IL17REL: variants seen among roughly 807,000 people sequenced by gnomAD.
IL17REL encodes interleukin 17 receptor E like.
A neutral mutation model predicts 49.0 loss-of-function variants in IL17REL; 36 were observed. The ratio of observed to expected loss-of-function variants is 0.73; its 90% CI spans 0.56 to 0.97. IL17REL has a LOEUF of 0.97. Ranked by LOEUF, IL17REL falls within the 50% of genes least tolerant of loss-of-function variation. The pLI is 0.00. For synonymous variants in IL17REL, 206 were observed against 192.4 expected (o/e 1.07, Z -0.58); for missense variants, 470 against 453.9 (o/e 1.04, Z -0.32).
chr22:49,998,401 G>A, intron 7 of IL17REL, 92 bp from the exon 10 acceptor site: 2 of 1,250,284 alleles, frequency 1.6e-6, no homozygotes, highest in Non-Finnish European at 2.1e-6. Context: ...TGACCACTGG[G>A]CCAGGGTCCA....
chr22:49,991,899 G>A (rs890971765), downstream of IL17REL, among the ~76,000 whole-genome samples: 9 of 152,148 alleles, frequency 5.9e-5, no homozygotes, highest in Non-Finnish European at 1.3e-4. Context: ...GCCTGAGGTG[G>A]TCCGGGCACA....
chr22:49,995,409 T>C (rs1183490174), exon 13 of IL17REL: 1 of 152,284 alleles, frequency 6.6e-6, no homozygotes, highest in East Asian at 1.9e-4. Flanking sequence ...GAGGGCCCCA[T>C]GGAGCTGTAG....
At chr22:50,000,044 C>G in intron 4 of IL17REL, 77 bp from the exon 7 acceptor site, 1 of 1,372,024 alleles carries the variant, frequency 7.3e-7, no homozygotes, top group South Asian at 1.6e-5. Context: ...CCGAGAGCCC[C>G]GACGTGGTGG....
At chr22:50,000,300 C>T (rs551416745) in intron 4 of IL17REL, among the ~76,000 whole-genome samples, 60 bp from the exon 6 acceptor site, 2 of 152,366 alleles carry the variant, frequency 1.3e-5, no homozygotes, top group East Asian at 1.9e-4. Flanking sequence ...GGCCATCCTC[C>T]TCCACCCGCC....
chr22:49,999,939 C>T, exon 5 of IL17REL: 1 of 1,529,170 alleles, frequency 6.5e-7, no homozygotes, highest in Non-Finnish European at 8.8e-7. Flanking sequence ...CCTTGCGCCT[C>T]CGGTCCACCC....
At chr22:49,997,176 GCCTCCCATC>G in intron 11 of IL17REL, 102 bp from the exon 14 acceptor site, 1 of 1,402,716 alleles carries the variant, frequency 7.1e-7, no homozygotes, top group Non-Finnish European at 9.8e-7. Context: ...AGCAGGGCTG[GCCTCCCATC>G]CCTCCCTGCC....
intron 12 of IL17REL, 58 bp from the exon 15 acceptor site, chr22:49,996,918 A>T (rs2061038467): frequency 1.4e-6 from 1 of 706,160 alleles, no homozygotes; most frequent in South Asian, 2.0e-5. Context: ...GGGATGGGGG[A>T]TGGGAAGGGG....
intron 1 of IL17REL, among the ~76,000 whole-genome samples, chr22:50,004,490 C>T (rs899321783): frequency 1.3e-5 from 2 of 152,104 alleles, no homozygotes; most frequent in African/African-American, 4.8e-5. Flanking sequence ...TGTTTCCTTC[C>T]CTTGGAGCAT....
At chr22:49,997,913 G>A (rs1370274836) in intron 9 of IL17REL, 112 bp downstream of exon 11, 7 of 1,463,732 alleles carry the variant, frequency 4.8e-6, no homozygotes, top group Admixed American at 1.9e-5. Context: ...TCTGAGGGAC[G>A]CCTGGGAGGC....
downstream of IL17REL, among the ~76,000 whole-genome samples, chr22:49,992,848 C>T (rs940803434): frequency 4.6e-5 from 7 of 152,264 alleles, no homozygotes; most frequent in African/African-American, 1.7e-4. Context: ...AACTCCTGAC[C>T]TTAAGTAATC....
chr22:50,000,177 G>T lies in IL17REL; in HGVS notation c.335-210C>A, dbSNP rs2061069547. Among the ~76,000 whole-genome samples, 1 of 152,240 alleles carries T rather than the reference G, an allele frequency of 6.6e-6. No individual in the cohort carries two copies. Among genetic ancestry groups the T allele is most frequent in the Non-Finnish European group, 1.5e-5 (1 of 68,028 alleles). ...AGCGTCTGAGGGTCTTCGCAGGGGCGTCGAAGGAGGGAACTCACCGAGGCA... is the reference window on the plus strand; with the variant it reads ...AGCGTCTGAGGGTCTTCGCAGGGGCTTCGAAGGAGGGAACTCACCGAGGCA... On this transcript the variant is annotated intron_variant, in intron 4 of 12. Transcript: ENST00000341280.
upstream of IL17REL, among the ~76,000 whole-genome samples, chr22:50,009,324 T>G (rs1456599942): frequency 6.6e-6 from 1 of 151,960 alleles, no homozygotes; most frequent in South Asian, 2.1e-4. Context: ...CCAAGGGCAC[T>G]CAAAGAGGGG....
intron 1 of IL17REL, among the ~76,000 whole-genome samples, chr22:50,006,647 C>T (rs777540010): frequency 1.2e-4 from 19 of 152,136 alleles, no homozygotes; most frequent in Non-Finnish European, 2.4e-4. Flanking sequence ...TAAAATACAA[C>T]GGGTGATTTT....
At chr22:49,999,322 C>T in exon 7 of IL17REL, 2 of 1,612,868 alleles carry the variant, frequency 1.2e-6, no homozygotes, top group Non-Finnish European at 1.7e-6. Context: ...GGATCCGCAC[C>T]GCGTCAGGGG....
At chr22:50,003,054 C>G (rs750547308) in intron 1 of IL17REL, among the ~76,000 whole-genome samples, 4 of 152,178 alleles carry the variant, frequency 2.6e-5, no homozygotes, top group Non-Finnish European at 4.4e-5. Context: ...TTGGCACACT[C>G]CCTGAGAGGA....
At chr22:49,998,818 T>G (rs915356480) in intron 7 of IL17REL, among the ~76,000 whole-genome samples, 1 of 151,694 alleles carries the variant, frequency 6.6e-6, no homozygotes, top group African/African-American at 2.4e-5. Context: ...TGCCTGCGCG[T>G]GGGTGTGCGT....
chr22:49,997,795 C>T, intron 9 of IL17REL, 53 bp from the exon 12 acceptor site: 6 of 1,565,356 alleles, frequency 3.8e-6, no homozygotes, highest in Non-Finnish European at 5.3e-6. Flanking sequence ...GAGGCAGGGG[C>T]AGGGACAGGG....
upstream of IL17REL, among the ~76,000 whole-genome samples, chr22:50,010,258 G>A (rs1241680405): frequency 6.6e-6 from 1 of 152,240 alleles, no homozygotes; most frequent in Non-Finnish European, 1.5e-5. Flanking sequence ...GGGGAGCAGG[G>A]CCTCAAACGA....
upstream of IL17REL, among the ~76,000 whole-genome samples, chr22:50,010,848 G>A (rs1197249638): frequency 6.6e-6 from 1 of 151,548 alleles, no homozygotes. Context: ...GGCGCTGGGC[G>A]CCTCCCCCGC....
Sources: allele counts gnomAD v4.1 joint callset (sites outside exome capture counted in the v4.1 genomes callset), GRCh38; gene constraint gnomAD v4.1.1; transcripts MANE v1.5; gene names NCBI Gene and HGNC (gene_info 2026-07-23, HGNC 2026-07-21).